Variants in HSPG2 observed in about 807,000 individuals in gnomAD.
The protein encoded by HSPG2 is heparan sulfate proteoglycan 2.
HSPG2 carries 278 observed loss-of-function variants against 526.6 expected under a neutral mutation model. The ratio of observed to expected loss-of-function variants is 0.53; its 90% CI spans 0.48 to 0.58. The LOEUF (loss-of-function observed/expected upper bound fraction) is 0.58, where lower values mean the gene tolerates loss of function less well. Among genes scored for constraint, HSPG2 ranks in the 20% least tolerant of loss-of-function variants. HSPG2 has a pLI of 0.00. For missense variants in HSPG2, 5,354 were observed against 6,099.5 expected (o/e 0.88, Z 4.07); for synonymous variants, 2,465 against 2,555.4 (o/e 0.96, Z 1.07).
At chr1:21,881,804 A>G (rs1422203339) in intron 13 of HSPG2, among the ~76,000 whole-genome samples, 1 of 151,934 alleles carries the variant, frequency 6.6e-6, no homozygotes, top group African/African-American at 2.4e-5. Flanking sequence ...CTAGACAGGC[A>G]TGGTGGTGCA....
intron 33 of HSPG2, chr1:21,870,882 G>T: frequency 3.0e-6 from 3 of 986,278 alleles, no homozygotes; most frequent in Non-Finnish European, 3.6e-6. Context: ...CCTGTGGGGC[G>T]CAGGGAAATG....
At chr1:21,854,569 C>T in intron 49 of HSPG2, 42 bp downstream of exon 49, 1 of 1,535,088 alleles carries the variant, frequency 6.5e-7, no homozygotes, top group Non-Finnish European at 8.8e-7. Context: ...GCCACAGCCC[C>T]TGCACCCTGG....
At chr1:21,870,742 C>T (rs1201927200) in intron 33 of HSPG2, 8 of 729,982 alleles carry the variant, frequency 1.1e-5, no homozygotes, top group African/African-American at 1.9e-5. Context: ...ATGCCTTGGG[C>T]ACTGCGCATC....
Position 21,828,876 on chromosome 1 carries a change from C to T in HSPG2, c.12196G>A (p.Ala4066Thr), listed in dbSNP as rs1221976496. 1 of 1,552,530 alleles carries T rather than the reference C, an allele frequency of 6.4e-7. No homozygotes were observed. The highest frequency in any genetic ancestry group is 8.7e-7 in the Non-Finnish European group (1 of 1,147,798). Residue 4066 changes from alanine (A) to threonine (T), a missense_variant, in exon 88 of 97, where the codon GCC (alanine) becomes ACC (threonine). Coordinates refer to ENST00000374695, the MANE Select transcript of HSPG2 (RefSeq NM_005529.7). The surrounding 1 kb of genome is among the most constrained non-coding windows in gnomAD (Gnocchi z 6.0). ...CGGAAGTGAGCGCTCATGTTGGTGGCCGGGGACAGTGGCACGGAAGGCTCC... is the reference window on the plus strand; with the variant it reads ...CGGAAGTGAGCGCTCATGTTGGTGGTCGGGGACAGTGGCACGGAAGGCTCC... The part of the protein sequence containing the change: ...GVEPSVPLSP[A>T]TNMSAHFRGC...
intron 52 of HSPG2, 131 bp downstream of exon 52, chr1:21,852,569 C>G: frequency 7.7e-6 from 10 of 1,301,758 alleles, no homozygotes; most frequent in Non-Finnish European, 1.1e-5. Flanking sequence ...GTGGAGTCGG[C>G]CTGGGCAGGG....
intron 1 of HSPG2, among the ~76,000 whole-genome samples, chr1:21,921,447 G>A (rs1199988009): frequency 1.3e-5 from 2 of 152,254 alleles, no homozygotes; most frequent in African/African-American, 4.8e-5. Flanking sequence ...TGGGCCCTAA[G>A]ACTGTCTCCG....
chr1:21,872,734 G>C lies in HSPG2; in HGVS notation c.3915C>G (p.Ser1305Arg). 6.2e-7 allele frequency: 1 copy of C among 1,609,438 alleles called. No individual in the cohort carries two copies. The highest frequency in any genetic ancestry group is 1.7e-4 in the Middle Eastern group (1 of 6,002). The change falls in exon 32 of 97, where the codon AGC becomes AGG. Residue 1305 changes from serine (S) to arginine (R), a missense_variant. Physicochemically the swap from Ser to Arg is moderately radical, Grantham distance 110. Transcript: ENST00000374695. The surrounding 1 kb of genome is among the most constrained non-coding windows in gnomAD (Gnocchi z 5.5). ...CKAQVEGLTCSHCRPHHFHLS... is the reference protein window; with the variant it reads ...CKAQVEGLTCRHCRPHHFHLS... ...GGTGGAAGTGGTGGGGCCGGCAGTG[G>C]CTGCAAGTGAGGCCTTCCACCTGGG...
chr1:21,885,027 G>C lies in HSPG2; in HGVS notation c.1341C>G (p.Ile447Met). 1 of 1,613,944 alleles carries C rather than the reference G, an allele frequency of 6.2e-7. No individual in the cohort carries two copies. Among genetic ancestry groups the C allele is most frequent in the Non-Finnish European group, 8.5e-7 (1 of 1,180,004 alleles). The change falls in exon 11 of 97, where the codon ATC (isoleucine) becomes ATG (methionine). Residue 447 changes from isoleucine (I) to methionine (M), a missense_variant. Transcript: ENST00000374695. ...IINWRLNWGH[I>M]PSHPRVTVTS... is the part of the protein sequence containing the mutation. Reference sequence around the variant, plus strand: ...CAGAGCCGCACCTGGGATGAGAGGGGATGTGGCCCCAGTTGAGCCTCCAAT... The same window carrying C: ...CAGAGCCGCACCTGGGATGAGAGGGCATGTGGCCCCAGTTGAGCCTCCAAT...
chr1:21,875,573 T>C, intron 25 of HSPG2, 56 bp downstream of exon 25: 1 of 1,345,044 alleles, frequency 7.4e-7, no homozygotes, highest in East Asian at 2.3e-5. Context: ...ACTGCACCGC[T>C]TAGATGGAGC....
At chr1:21,878,764 C>T (rs571507828) in intron 18 of HSPG2, 101 bp from the exon 19 acceptor site, 83 of 1,261,830 alleles carry the variant, frequency 6.6e-5, no homozygotes, top group African/African-American at 1.2e-4. Context: ...CAGTGTGCCA[C>T]GAGGCATGAC....
Position 21,874,983 on chromosome 1 carries a change from C to G in HSPG2, c.3322G>C (p.Asp1108His), listed in dbSNP as rs770634159. The G allele has an allele frequency of 4.9e-5, 78 of 1,604,902 alleles. No individual in the cohort carries two copies. Among genetic ancestry groups the G allele is most frequent in the Non-Finnish European group, 6.3e-5 (74 of 1,175,762 alleles). The change falls in exon 26 of 97, where the codon GAC becomes CAC. Residue 1108 changes from aspartate (D) to histidine (H), a missense_variant. Transcript: ENST00000374695. ...AESRVSGISMDVAVPEETGQD... is the reference protein window; with the variant it reads ...AESRVSGISMHVAVPEETGQD... ...CCGGTTTCCTCGGGCACAGCCACGT[C>G]CATGCTGATGCCAGAGACCCTGGGC...
chr1:21,864,206 G>A lies in HSPG2; in HGVS notation c.4634C>T (p.Ala1545Val), dbSNP rs1224334782. 6.4e-7 allele frequency: 1 copy of A among 1,551,764 alleles called. No homozygotes were observed. Among genetic ancestry groups the A allele is most frequent in the South Asian group, 1.2e-5 (1 of 84,076 alleles). ...GYIGLSCQDC[A>V]PGYTRTGSGL... ...ACTCCCGGTGCGCGTGTAGCCGGGG[G>A]CACAGTCCTAGGGGCAGAGAGGAAG... The change falls in exon 37 of 97, where the codon GCC (alanine) becomes GTC (valine). Residue 1545 changes from alanine (A) to valine (V), a missense_variant. By Grantham distance (64) the Ala-to-Val change is moderately conservative. Transcript: ENST00000374695. The surrounding 1 kb of genome is among the most constrained non-coding windows in gnomAD (Gnocchi z 4.8).
At position 21,861,297 on chromosome 1, in the gene HSPG2, C is replaced by T. The variant is rs779484911; in HGVS notation, c.4955+460G>A. Among the ~76,000 whole-genome samples, 17 of 151,970 alleles carry T rather than the reference C, an allele frequency of 1.1e-4. 1 individual carries two copies. The highest frequency in any genetic ancestry group is 8.3e-4 in the South Asian group (4 of 4,822). On this transcript the variant is annotated intron_variant, in intron 39 of 96. Transcript: ENST00000374695. The stretch of plus-strand genomic sequence containing the variant: ...AGGCTAAGGGGAAGTTAGCCAGGAA[C>T]GGGTGGTTTAGGGGTGAAGACTGTT...
Position 21,830,366 on chromosome 1 carries a change from G to C in HSPG2, c.11672-275C>G, listed in dbSNP as rs569443232. 2.0e-5 allele frequency: 10 copies of C among 499,446 alleles called. 1 individual carries two copies. Among genetic ancestry groups the C allele is most frequent in the African/African-American group, 1.4e-4 (7 of 51,564 alleles). 30.9% of individuals were successfully genotyped at this position (499,446 alleles called of 1,614,324 possible). On this transcript the variant is annotated intron_variant, in intron 85 of 96. Transcript: ENST00000374695. ...TTGGAGGGGGAGCACCTGGTGGCGG[G>C]TAATGGGGTGGGCACCTGGGTAATA...
rs1281587679 is a variant in HSPG2 at position 21,887,448 on chromosome 1, G to A, written c.930C>T (p.Cys310=). ...RDYLCDGQED[C]EDGSDELDCG... The stretch of plus-strand genomic sequence containing the variant: ...AGTCTAGCTCATCGCTGCCGTCCTC[G>A]CAGTCCTCCTGTCCGTCGCAGAGGT... The change falls in exon 8 of 97, where the codon TGC becomes TGT. Residue 310 remains cysteine (C), a synonymous_variant. Coordinates refer to ENST00000374695, the MANE Select transcript of HSPG2 (RefSeq NM_005529.7). This position sits in a 1 kb window ranked among gnomAD's most constrained non-coding sequence, Gnocchi z 5.0. 7 of 1,613,912 alleles carry A rather than the reference G, an allele frequency of 4.3e-6. No individual in the cohort carries two copies. In the Admixed American group the frequency reaches 6.7e-5, roughly 15 times the overall value.
At chr1:21,830,369 A>G in intron 85 of HSPG2, 1 of 466,872 alleles carries the variant, frequency 2.1e-6, no homozygotes. Flanking sequence ...GTGGCGGGTA[A>G]TGGGGTGGGC....
Position 21,878,268 on chromosome 1 carries a change from G to A in HSPG2, c.2618-15C>T, listed in dbSNP as rs756139727. The A allele has an allele frequency of 4.3e-6, 7 of 1,613,604 alleles. No individual in the cohort carries two copies. Among genetic ancestry groups the A allele is most frequent in the Admixed American group, 3.3e-5 (2 of 59,970 alleles). ...AATCTCCTGGTCTGGGACACAAAAC[G>A]AGTGTTGGCAGGGCAGGTGGGAATG... On this transcript the variant is annotated splice_polypyrimidine_tract_variant and intron_variant, in intron 20 of 96. Coordinates refer to ENST00000374695, the MANE Select transcript of HSPG2 (RefSeq NM_005529.7).
Position 21,833,464 on chromosome 1 carries a change from T to C in HSPG2, c.10978+3A>G, listed in dbSNP as rs764646511. The C allele has an allele frequency of 1.2e-6, 2 of 1,614,154 alleles. No homozygotes were observed. Among genetic ancestry groups the C allele is most frequent in the East Asian group, 2.2e-5 (1 of 44,872 alleles). On this transcript the variant is annotated splice_donor_region_variant and intron_variant, in intron 79 of 96. Coordinates refer to ENST00000374695, the MANE Select transcript of HSPG2 (RefSeq NM_005529.7). ...CTGCCAATTCTTAGGGGTGGTGTCT[T>C]ACCTGGCACCTGCAGGTGGGCAAAG...
Position 21,875,023 on chromosome 1 carries a change from C to A in HSPG2, c.3303-21G>T, listed in dbSNP as rs376517027. The A allele has an allele frequency of 1.3e-5, 20 of 1,540,622 alleles. No homozygotes were observed. In the African/African-American group the frequency reaches 2.3e-4, roughly 18 times the overall value. On this transcript the variant is annotated intron_variant, in intron 25 of 96. Transcript: ENST00000374695. ...AGACCCTGGGCGTGACAAGACCCAG[C>A]GTGAATAGGAGTGCTGGCTCTGTGC... is the stretch of plus-strand genomic sequence containing the variant.
Sources: allele counts gnomAD v4.1 joint callset (sites outside exome capture counted in the v4.1 genomes callset), GRCh38; gene constraint gnomAD v4.1.1; non-coding constraint Gnocchi (gnomAD v3.1); transcripts MANE v1.5; gene names NCBI Gene and HGNC (gene_info 2026-07-23, HGNC 2026-07-21).